JAKMIP3: variants seen among roughly 807,000 people sequenced by gnomAD.
JAKMIP3 encodes Janus kinase and microtubule interacting protein 3, also known as janus kinase and microtubule-interacting protein 3.
In JAKMIP3, 58 loss-of-function variants were observed where a neutral mutation model predicts 118.5. The observed-to-expected ratio is 0.49, with a 90% CI of 0.40 to 0.61. The LOEUF (loss-of-function observed/expected upper bound fraction) is 0.61, where lower values mean the gene tolerates loss of function less well. JAKMIP3 is among the 20% of genes least tolerant of loss of function. JAKMIP3 has a pLI of 0.00. For synonymous variants in JAKMIP3, 486 were observed against 451.2 expected, an observed-to-expected ratio of 1.08 and a Z score of -0.98; for missense variants, 950 against 1,109.0, an observed-to-expected ratio of 0.86 and a Z score of 2.04.
chr10:132,056,803 C>T (rs930124788), intron 1 of JAKMIP3, among the ~76,000 whole-genome samples: 16 of 152,188 alleles, frequency 1.1e-4, no homozygotes, highest in Non-Finnish European at 1.9e-4. Flanking sequence ...GCATCGCCAC[C>T]CACACCCACT....
Position 132,117,598 on chromosome 10 carries a change from C to T in JAKMIP3, c.633+24C>T, listed in dbSNP as rs748193822. On this transcript the variant is annotated intron_variant, in intron 3 of 23. Transcript: ENST00000684848. This position sits in a 1 kb window ranked among gnomAD's most constrained non-coding sequence, Gnocchi z 8.6. ...TGGTACGTGGGCAGGCAGGGGCGGG[C>T]GTGGGCGAGGGTGCAGGGGCGGGCG... The T allele has an allele frequency of 2.7e-5, 20 of 738,216 alleles. No homozygotes were observed. In the African/African-American group the frequency reaches 3.8e-4, roughly 14 times the overall value. 45.7% of individuals were successfully genotyped at this position (738,216 alleles called of 1,614,324 possible). A position where few individuals can be genotyped will look rare whatever the true frequency, so the allele number is the denominator to read the frequency against.
At position 132,180,626 on chromosome 10, in the gene JAKMIP3, CGTGTGTGCGTGCGTGTGTGCGTGTGCGT is replaced by C. The variant is rs1219070861; in HGVS notation, c.*1104-1727_*1104-1700del. Among the ~76,000 whole-genome samples the C allele has an allele frequency of 8.6e-5, 2 of 23,358 alleles. 1 individual carries two copies. Among genetic ancestry groups the C allele is most frequent in the Non-Finnish European group, 1.3e-4 (2 of 14,948 alleles). 15.3% of individuals were successfully genotyped at this position (23,358 alleles called of 152,430 possible). On this transcript the variant is annotated intron_variant, in intron 23 of 23. Transcript: ENST00000684848. ...GCGCGTGTGTGTGTGCGTGTGTGTG[CGTGTGTGCGTGCGTGTGTGCGTGTGCGT>C]GTGCGTGTGTGCGTGTGTGTGCGCG...
intron 19 of JAKMIP3, among the ~76,000 whole-genome samples, chr10:132,155,825 G>A (rs184422766): frequency 7.4e-4 from 113 of 152,294 alleles, no homozygotes; most frequent in Admixed American, 4.6e-3. Context: ...CTGTCCTCAC[G>A]GCCTCTGAGT....
At chr10:132,107,816 A>T (rs1245074720) in intron 2 of JAKMIP3, among the ~76,000 whole-genome samples, 1 of 152,252 alleles carries the variant, frequency 6.6e-6, no homozygotes, top group Non-Finnish European at 1.5e-5. Flanking sequence ...CTGATACTGC[A>T]GCCCTGTACC....
At chr10:132,119,871 G>GATGT (rs1316590276) in intron 3 of JAKMIP3, among the ~76,000 whole-genome samples, 2 of 152,160 alleles carry the variant, frequency 1.3e-5, no homozygotes, top group African/African-American at 2.4e-5. Flanking sequence ...GAGGAAACAA[G>GATGT]ATGTTACAAC....
At chr10:132,072,523 A>G (rs2040124383) in intron 1 of JAKMIP3, among the ~76,000 whole-genome samples, 1 of 152,164 alleles carries the variant, frequency 6.6e-6, no homozygotes, top group Non-Finnish European at 1.5e-5. Flanking sequence ...GGACAGATCA[A>G]CAGCCTGTCT....
intron 1 of JAKMIP3, among the ~76,000 whole-genome samples, chr10:132,046,965 C>A (rs1450418427): frequency 1.3e-5 from 2 of 152,158 alleles, no homozygotes; most frequent in Non-Finnish European, 2.9e-5. Flanking sequence ...CTCATTGCAA[C>A]CTTGTACTCC....
At chr10:132,038,833 A>G (rs12782796) in intron 1 of JAKMIP3, among the ~76,000 whole-genome samples, 26,153 of 150,134 alleles carry the variant, frequency 0.17, 3,037 homozygotes, top group Non-Finnish European at 0.27. Flanking sequence ...TACTTGCTGC[A>G]TGTATGGCAG....
rs777986393 is a variant in JAKMIP3 at position 132,135,936 on chromosome 10, C to T, written c.976C>T (p.Arg326Cys). 6.2e-6 allele frequency: 10 copies of T among 1,611,048 alleles called. No homozygotes were observed. The highest frequency in any genetic ancestry group is 3.4e-5 in the Admixed American group (2 of 59,262). The stretch of plus-strand genomic sequence containing the variant: ...ATAGTGCGTTGTCTTTCAGTTGAAG[C>T]GCGTAAGAGAAGCTGAGAGTCAGTA... Reference protein sequence around the residue: ...LSEERNELLKRVREAESQYKP... With the variant: ...LSEERNELLKCVREAESQYKP... The change falls in exon 6 of 24, where the codon CGC becomes TGC. Residue 326 changes from arginine to cysteine, a missense_variant. Physicochemically the swap from Arg to Cys is radical, Grantham distance 180. Coordinates refer to ENST00000684848, the MANE Select transcript of JAKMIP3 (RefSeq NM_001323087.2).
intron 1 of JAKMIP3, among the ~76,000 whole-genome samples, chr10:132,052,912 G>C (rs1044016986): frequency 1.3e-5 from 2 of 152,180 alleles, no homozygotes; most frequent in African/African-American, 4.8e-5. Flanking sequence ...AAAAAGTCTA[G>C]TTTTAAAAAT....
chr10:132,050,117 C>G (rs1244095158), intron 1 of JAKMIP3, among the ~76,000 whole-genome samples: 1 of 152,090 alleles, frequency 6.6e-6, no homozygotes, highest in Non-Finnish European at 1.5e-5. Flanking sequence ...TTTTTGCCTT[C>G]TTTTCTCCCC....
intron 6 of JAKMIP3, 138 bp downstream of exon 6, chr10:132,136,214 C>G (rs757436500): frequency 1.1e-6 from 1 of 902,180 alleles, no homozygotes; most frequent in East Asian, 2.7e-5. Context: ...TCTGGCCTCA[C>G]GCATGTTTGA....
chr10:132,134,677 G>T (rs1333932597), intron 4 of JAKMIP3, among the ~76,000 whole-genome samples: 2 of 152,244 alleles, frequency 1.3e-5, no homozygotes, highest in Admixed American at 6.5e-5. Flanking sequence ...GGAGCTGGCA[G>T]ACGTCCTCCT....
intron 1 of JAKMIP3, among the ~76,000 whole-genome samples, chr10:132,043,710 G>A (rs1403472381): frequency 1.3e-5 from 2 of 152,212 alleles, no homozygotes; most frequent in African/African-American, 4.8e-5. Flanking sequence ...ACAGCATGAC[G>A]AGGAGGGCTG....
chr10:132,108,029 C>T (rs1589829248), intron 2 of JAKMIP3, among the ~76,000 whole-genome samples: 1 of 152,232 alleles, frequency 6.6e-6, no homozygotes, highest in Non-Finnish European at 1.5e-5. Context: ...TCACTGCTGG[C>T]TTACACTGGT....
At chr10:132,083,696 G>A (rs1416436803) in intron 1 of JAKMIP3, among the ~76,000 whole-genome samples, 1 of 152,160 alleles carries the variant, frequency 6.6e-6, no homozygotes, top group African/African-American at 2.4e-5. Flanking sequence ...TCCATCTTGA[G>A]TTGATCTTTG....
rs1256265144 is a variant in JAKMIP3, at chr10:132,104,746, C to CCCCAG, written c.-50_-46dup. 1.0e-5 allele frequency: 16 copies of CCCCAG among 1,524,162 alleles called. No homozygotes were observed. The highest frequency in any genetic ancestry group is 2.5e-5 in the East Asian group (1 of 40,538). The allele number at this position is 1,524,162 out of a possible 1,614,324, so 94.4% of individuals were successfully genotyped here. ...AGCTTGGCGTGGACACCCCAGCCACCCCCAGCCCAGCCCAGCCGGAGCACC... is the reference window on the plus strand; with the variant it reads ...AGCTTGGCGTGGACACCCCAGCCACCCCCAGCCCAGCCCAGCCCAGCCGGAGCACC... On this transcript the variant is annotated 5_prime_UTR_variant, in exon 2 of 24. Coordinates refer to ENST00000684848, the MANE Select transcript of JAKMIP3 (RefSeq NM_001323087.2).
chr10:132,102,270 C>T (rs12774605), intron 1 of JAKMIP3, among the ~76,000 whole-genome samples: 35,507 of 151,998 alleles, frequency 0.23, 4,843 homozygotes, highest in African/African-American at 0.39. Context: ...ACAGGCAGTG[C>T]GCCGGGCCCG....
intron 1 of JAKMIP3, among the ~76,000 whole-genome samples, chr10:132,082,461 G>C (rs1048304652): frequency 6.6e-6 from 1 of 151,986 alleles, no homozygotes; most frequent in African/African-American, 2.4e-5. Flanking sequence ...TCCCACCTAC[G>C]AGTGAGAGCA....
Sources: allele counts gnomAD v4.1 joint callset (sites outside exome capture counted in the v4.1 genomes callset), GRCh38; gene constraint gnomAD v4.1.1; non-coding constraint Gnocchi (gnomAD v3.1); transcripts MANE v1.5; gene names NCBI Gene and HGNC (gene_info 2026-07-23, HGNC 2026-07-21).